Variants in CCDC190 observed in about 807,000 individuals in gnomAD.
CCDC190 encodes coiled-coil domain-containing protein 190.
In CCDC190, 10 loss-of-function variants were observed where a neutral mutation model predicts 13.1. The observed-to-expected ratio is 0.77, with a 90% CI of 0.47 to 1.30. The LOEUF (loss-of-function observed/expected upper bound fraction) is 1.30. Ranked by LOEUF, CCDC190 falls within the 50% of genes most tolerant of loss-of-function variation. CCDC190 has a pLI of 0.00. For missense variants in CCDC190, 375 were observed against 354.3 expected, an observed-to-expected ratio of 1.06 and a Z score of -0.47; for synonymous variants, 136 against 127.2, an observed-to-expected ratio of 1.07 and a Z score of -0.47.
At chr1:162,867,170 C>A (rs1182546737) in intron 1 of CCDC190, among the ~76,000 whole-genome samples, 1 of 151,876 alleles carries the variant, frequency 6.6e-6, no homozygotes, top group Non-Finnish European at 1.5e-5. Flanking sequence ...CAAGCAAGAA[C>A]CTGTTGGAAT....
Position 162,855,702 on chromosome 1 carries a change from G to T in CCDC190, c.241C>A (p.Pro81Thr). The T allele has an allele frequency of 6.8e-6, 11 of 1,613,446 alleles. No individual in the cohort carries two copies. The highest frequency in any genetic ancestry group is 9.3e-6 in the Non-Finnish European group (11 of 1,179,598). Reference protein sequence around the residue: ...SYLGNGFQKRPEDVLVFSPQG... With the variant: ...SYLGNGFQKRTEDVLVFSPQG... ...GGTGAGAACACGAGAACATCTTCTG[G>T]TCTCTTCTGAAATCCATTCCCCAAA... Residue 81 changes from proline (P) to threonine (T), a missense_variant, in exon 3 of 4, where the codon CCA becomes ACA. Transcript: ENST00000367912.
chr1:162,864,744 A>G (rs1013580524), upstream of CCDC190, among the ~76,000 whole-genome samples: 33 of 152,150 alleles, frequency 2.2e-4, no homozygotes, highest in Non-Finnish European at 2.9e-5. Context: ...TAATATAACA[A>G]AGAATTATAA....
rs1650168778 is a variant in CCDC190 at position 162,853,063 on chromosome 1, T to G, written c.*1702A>C. ...CTGTCACTTATGGCCTGCCTTCCTC[T>G]GTTGCTTTGCTTCATGGAAGAAAGT... is the stretch of plus-strand genomic sequence containing the variant. On this transcript the variant is annotated 3_prime_UTR_variant, in exon 4 of 4. Transcript: ENST00000367912. 6.8e-7 allele frequency: 1 copy of G among 1,475,752 alleles called. No individual in the cohort carries two copies. Among genetic ancestry groups the G allele is most frequent in the Non-Finnish European group, 9.3e-7 (1 of 1,079,082 alleles). 91.4% of individuals were successfully genotyped at this position (1,475,752 alleles called of 1,614,324 possible).
intron 2 of CCDC190, among the ~76,000 whole-genome samples, chr1:162,857,203 TTTC>T (rs1650332645): frequency 6.6e-6 from 1 of 152,206 alleles, no homozygotes; most frequent in Non-Finnish European, 1.5e-5. Flanking sequence ...ATCTTCTCAT[TTTC>T]TTCACCTGAC....
At chr1:162,865,436 C>T (rs1650660546), upstream of CCDC190, among the ~76,000 whole-genome samples, 1 of 152,126 alleles carries the variant, frequency 6.6e-6, no homozygotes, top group South Asian at 2.1e-4. Context: ...ACCACAAATA[C>T]CCATTCTTTT....
chr1:162,866,740 G>T (rs1270016544), intron 1 of CCDC190, among the ~76,000 whole-genome samples: 1 of 144,562 alleles, frequency 6.9e-6, no homozygotes, highest in African/African-American at 2.5e-5. Flanking sequence ...TTGGTATAAA[G>T]GTGAACATGT....
At chr1:162,865,666 T>C (rs1341048537), upstream of CCDC190, among the ~76,000 whole-genome samples, 1 of 152,168 alleles carries the variant, frequency 6.6e-6, no homozygotes, top group Non-Finnish European at 1.5e-5. Context: ...TAACAGAATA[T>C]AGGCAAGAAC....
chr1:162,855,763 G>T lies in CCDC190; in HGVS notation c.188-8C>A. The T allele has an allele frequency of 6.3e-7, 1 of 1,579,806 alleles. No individual in the cohort carries two copies. The highest frequency in any genetic ancestry group is 1.1e-5 in the South Asian group (1 of 87,142). On this transcript the variant is annotated splice_region_variant and splice_polypyrimidine_tract_variant and intron_variant, in intron 2 of 3. Transcript: ENST00000367912. ...ACTTTTTCTTCATGGTTTCTGCTTTGAGTTAATTAAGAAGTGTTATGAGTT... is the reference window on the plus strand; with the variant it reads ...ACTTTTTCTTCATGGTTTCTGCTTTTAGTTAATTAAGAAGTGTTATGAGTT...
upstream of CCDC190, among the ~76,000 whole-genome samples, chr1:162,861,237 C>T (rs1650502355): frequency 6.6e-6 from 1 of 152,178 alleles, no homozygotes; most frequent in Non-Finnish European, 1.5e-5. Flanking sequence ...CTCCTTGGGC[C>T]ATGGCACCAA....
At chr1:162,858,093 A>G (rs1650369726) in intron 2 of CCDC190, among the ~76,000 whole-genome samples, 1 of 152,212 alleles carries the variant, frequency 6.6e-6, no homozygotes, top group Non-Finnish European at 1.5e-5. Flanking sequence ...GTGCCTAAGA[A>G]ATATTGAGAC....
chr1:162,853,264 G>C lies in CCDC190; in HGVS notation c.*1501C>G. The C allele has an allele frequency of 2.4e-6, 2 of 822,404 alleles. No homozygotes were observed. Among genetic ancestry groups the C allele is most frequent in the Non-Finnish European group, 3.7e-6 (2 of 546,988 alleles). 50.9% of individuals were successfully genotyped at this position (822,404 alleles called of 1,614,324 possible). ...ATGAGCAAGGAAATTGAGTAGAAGA[G>C]AGATCAAATGCTAGTCTGCCATCTA... On this transcript the variant is annotated 3_prime_UTR_variant, in exon 4 of 4. Transcript: ENST00000367912.
intron 2 of CCDC190, among the ~76,000 whole-genome samples, chr1:162,857,828 C>T (rs1352385420): frequency 6.6e-6 from 1 of 152,128 alleles, no homozygotes; most frequent in Non-Finnish European, 1.5e-5. Flanking sequence ...GGGCAGAGAC[C>T]ATGCTTTTTC....
chr1:162,867,665 G>A (rs1337737647), intron 1 of CCDC190, among the ~76,000 whole-genome samples: 3 of 152,172 alleles, frequency 2.0e-5, no homozygotes, highest in Non-Finnish European at 2.9e-5. Flanking sequence ...CATAATAGTC[G>A]CAAACTGGAA....
In CCDC190 at chr1:162,861,075, A is replaced by G. The variant is rs529030966; in HGVS notation, c.-80T>C. 1 of 954,676 alleles carries G rather than the reference A, an allele frequency of 1.0e-6. No individual in the cohort carries two copies. Among genetic ancestry groups the G allele is most frequent in the African/African-American group, 1.8e-5 (1 of 56,770 alleles). The allele number at this position is 954,676 out of a possible 1,614,324, so 59.1% of individuals were successfully genotyped here. On this transcript the variant is annotated 5_prime_UTR_variant, in exon 1 of 4. Coordinates refer to ENST00000367912, the MANE Select transcript of CCDC190 (RefSeq NM_001394065.1). The stretch of plus-strand genomic sequence containing the variant: ...TTTTGCTATGTCAGACTGAGTCTTG[A>G]TTAATGAGCTTATTTTTCTTCAGTA...
upstream of CCDC190, among the ~76,000 whole-genome samples, chr1:162,861,195 C>T (rs1650499284): frequency 1.3e-5 from 2 of 152,010 alleles, no homozygotes; most frequent in South Asian, 2.1e-4. Flanking sequence ...CTCTCTTCGT[C>T]CCTCCCTACC....
Position 162,855,238 on chromosome 1 carries a change from T to G in CCDC190, c.433A>C (p.Arg145=), listed in dbSNP as rs1650258747. 4 of 1,613,886 alleles carry G rather than the reference T, an allele frequency of 2.5e-6. No homozygotes were observed. The highest frequency in any genetic ancestry group is 3.4e-6 in the Non-Finnish European group (4 of 1,179,896). The change falls in exon 4 of 4, where the codon AGA becomes CGA. Residue 145 remains arginine (R), a synonymous_variant. Transcript: ENST00000367912. ...TGCTCTTTTATGAAGCAGGCAGTTC[T>G]GTTATTTTGAGAGAGTGGCTGCTTT... The part of the protein sequence containing the change: ...SKKQPLSQNN[R]TACFIKEQPQ...
chr1:162,865,459 G>A (rs547051409), upstream of CCDC190, among the ~76,000 whole-genome samples: 3 of 152,144 alleles, frequency 2.0e-5, no homozygotes, highest in Admixed American at 1.3e-4. Context: ...AGTGCACAAG[G>A]AACATTTATC....
chr1:162,855,944 A>G (rs998191599), intron 2 of CCDC190, 189 bp from the exon 3 acceptor site: 1 of 488,578 alleles, frequency 2.0e-6, no homozygotes, highest in African/African-American at 1.9e-5. Context: ...CTTATAAGGA[A>G]AGGAACTTAG....
Position 162,854,655 on chromosome 1 carries a change from T to C in CCDC190, c.*110A>G. On this transcript the variant is annotated 3_prime_UTR_variant, in exon 4 of 4. Transcript: ENST00000367912. ...TAATAGGGAGTTTAAAATAAAATTG[T>C]AATTCAATTATGTTTGTTTGTTTTT... The C allele has an allele frequency of 4.2e-6, 6 of 1,434,258 alleles. No homozygotes were observed. Among genetic ancestry groups the C allele is most frequent in the Non-Finnish European group, 5.5e-6 (6 of 1,095,742 alleles). 88.8% of individuals were successfully genotyped at this position (1,434,258 alleles called of 1,614,324 possible).
Sources: gnomAD v4.1 joint callset for allele counts (sites outside exome capture counted in the v4.1 genomes callset) on GRCh38, gnomAD v4.1.1 for gene constraint, MANE v1.5 for transcripts, NCBI Gene and HGNC (gene_info 2026-07-23, HGNC 2026-07-21) for gene names.